The following VPS50 variants were observed in gnomAD, a reference collection of about 807,000 sequenced individuals.
The protein encoded by VPS50 is VPS50 subunit of EARP/GARPII complex.
A neutral mutation model predicts 139.7 loss-of-function variants in VPS50; 70 were observed. That is an observed-to-expected ratio of 0.50 (90% CI 0.41 to 0.61). The LOEUF is 0.61. VPS50 is among the 20% of genes least tolerant of loss of function. The pLI is 0.00. For missense variants in VPS50, 921 were observed against 1,133.7 expected (o/e 0.81, Z 2.69); for synonymous variants, 365 against 376.7 (o/e 0.97, Z 0.36).
At chr7:93,320,719 A>G (rs1797589614) in intron 20 of VPS50, 1 of 152,212 alleles carries the variant, frequency 6.6e-6, no homozygotes, top group African/African-American at 2.4e-5. Context: ...TTATGGGTAA[A>G]TTCTAGCAGC....
At chr7:93,244,865 G>C (rs1795102536) in intron 2 of VPS50, among the ~76,000 whole-genome samples, 1 of 151,858 alleles carries the variant, frequency 6.6e-6, no homozygotes, top group African/African-American at 2.4e-5. Flanking sequence ...ACAGTATTTA[G>C]TTGTGTTCTT....
At chr7:93,335,566 CTT>C (rs1415875930) in intron 22 of VPS50, among the ~76,000 whole-genome samples, 3 of 152,046 alleles carry the variant, frequency 2.0e-5, no homozygotes, top group Non-Finnish European at 4.4e-5. Flanking sequence ...TTGATCCACC[CTT>C]TTTGTTTCTC....
chr7:93,341,985 G>A (rs186617395), intron 23 of VPS50, among the ~76,000 whole-genome samples: 14 of 152,316 alleles, frequency 9.2e-5, no homozygotes, highest in East Asian at 5.8e-4. Flanking sequence ...CAAGATGGCC[G>A]AATAGGAACA....
rs192399802 is a variant in VPS50, at chr7:93,316,862, A to G, written c.1855+5590A>G. Among the ~76,000 whole-genome samples, 5 of 152,340 alleles carry G rather than the reference A, an allele frequency of 3.3e-5. No homozygotes were observed. The East Asian group carries it at 9.6e-4, about 29-fold the overall frequency. ...TTCTGTCTGATTTTCTATGAACTCA[A>G]AAGGTTAGTGGATGAGTTTATCTTG... On this transcript the variant is annotated intron_variant, in intron 20 of 27. Coordinates refer to ENST00000305866, the MANE Select transcript of VPS50 (RefSeq NM_017667.4).
intron 26 of VPS50, among the ~76,000 whole-genome samples, chr7:93,355,609 T>G (rs964721055): frequency 6.6e-6 from 1 of 152,180 alleles, no homozygotes; most frequent in East Asian, 1.9e-4. Context: ...CAGACAATTA[T>G]GTTGATTGAA....
At chr7:93,279,873 A>G (rs141435381) in intron 12 of VPS50, among the ~76,000 whole-genome samples, 1 of 152,306 alleles carries the variant, frequency 6.6e-6, no homozygotes, top group East Asian at 1.9e-4. Context: ...GCTTCCTTTA[A>G]ATGGAAAGAG....
intron 12 of VPS50, among the ~76,000 whole-genome samples, chr7:93,289,912 T>C (rs564781754): frequency 9.2e-5 from 14 of 152,056 alleles, no homozygotes; most frequent in Non-Finnish European, 1.6e-4. Context: ...TGTTGAGACA[T>C]CCTAACCAAG....
chr7:93,355,705 G>A (rs1424146743), intron 26 of VPS50, among the ~76,000 whole-genome samples, 186 bp from the exon 27 acceptor site: 1 of 152,072 alleles, frequency 6.6e-6, no homozygotes, highest in Non-Finnish European at 1.5e-5. Flanking sequence ...GCCCGCATAG[G>A]TAAAATGACA....
chr7:93,256,451 C>A (rs528693920), intron 4 of VPS50, 58 bp from the exon 5 acceptor site: 7 of 816,282 alleles, frequency 8.6e-6, no homozygotes, highest in Middle Eastern at 2.6e-4. Flanking sequence ...TATAAAATAT[C>A]ATAGAAAGCA....
chr7:93,353,837 G>T, intron 26 of VPS50, 76 bp downstream of exon 26: 1 of 1,155,048 alleles, frequency 8.7e-7, no homozygotes, highest in Non-Finnish European at 1.2e-6. Context: ...GGTATTAATG[G>T]TTGGAGAGAA....
chr7:93,281,868 G>C (rs1796336909), intron 12 of VPS50, among the ~76,000 whole-genome samples: 1 of 152,166 alleles, frequency 6.6e-6, no homozygotes, highest in South Asian at 2.1e-4. Flanking sequence ...AAAAGTAGCT[G>C]CACAAACTGT....
chr7:93,237,335 A>G (rs1046477252), intron 1 of VPS50, among the ~76,000 whole-genome samples: 3 of 152,212 alleles, frequency 2.0e-5, no homozygotes, highest in Admixed American at 6.5e-5. Context: ...TCAAAACCAC[A>G]GCAAGAAAGT....
chr7:93,308,181 T>C (rs1797169653), intron 18 of VPS50, among the ~76,000 whole-genome samples: 3 of 151,868 alleles, frequency 2.0e-5, no homozygotes, highest in Admixed American at 1.3e-4. Flanking sequence ...CTTCCTTTAC[T>C]GTGTGCATGA....
intron 21 of VPS50, among the ~76,000 whole-genome samples, chr7:93,326,810 A>G (rs542794981): frequency 2.0e-5 from 3 of 152,238 alleles, no homozygotes; most frequent in South Asian, 4.1e-4. Context: ...GTAAATTTCA[A>G]TGTATAACTA....
intron 4 of VPS50, among the ~76,000 whole-genome samples, chr7:93,255,000 G>C (rs1025453833): frequency 3.3e-5 from 5 of 152,060 alleles, no homozygotes; most frequent in African/African-American, 9.7e-5. Context: ...TCTTGGGCAG[G>C]AGAAGGGATT....
At position 93,272,682 on chromosome 7, in the gene VPS50, T is replaced by A. The variant is rs777696046; in HGVS notation, c.750T>A (p.Ile250=). ...CCAAAATCTGCAAGAATTTTGACAT[T>A]AACCATTATACCAAGGTTCAACAAG... ...ALSKICKNFD[I]NHYTKVQQAY... The change falls in exon 11 of 28, where the codon ATT becomes ATA. Residue 250 remains isoleucine (I), a synonymous_variant. Transcript: ENST00000305866. 8 of 1,579,534 alleles carry A rather than the reference T, an allele frequency of 5.1e-6. No homozygotes were observed.
intron 26 of VPS50, 55 bp from the exon 27 acceptor site, chr7:93,355,836 T>C: frequency 9.0e-7 from 1 of 1,107,716 alleles, no homozygotes. Flanking sequence ...TACCTGACAG[T>C]TTTTTGTTTC....
chr7:93,242,226 C>T (rs1247205386), intron 2 of VPS50, among the ~76,000 whole-genome samples: 1 of 151,508 alleles, frequency 6.6e-6, no homozygotes, highest in Non-Finnish European at 1.5e-5. Context: ...AGTGAAAAGA[C>T]AAAAGTTCTC....
intron 20 of VPS50, 61 bp from the exon 21 acceptor site, chr7:93,323,550 A>C (rs1797681545): frequency 1.6e-6 from 1 of 614,346 alleles, no homozygotes; most frequent in Admixed American, 3.5e-5. Context: ...TCTTTTTATA[A>C]TTATAGACTA....
Sources: allele counts gnomAD v4.1 joint callset (sites outside exome capture counted in the v4.1 genomes callset), GRCh38; gene constraint gnomAD v4.1.1; transcripts MANE v1.5; gene names NCBI Gene and HGNC (gene_info 2026-07-23, HGNC 2026-07-21).